The following MCC variants were observed in gnomAD, a reference collection of about 807,000 sequenced individuals.
MCC encodes MCC regulator of Wnt signaling pathway, also known as colorectal mutant cancer protein.
Under a neutral mutation model 116.2 loss-of-function variants are expected in MCC, and 90 were observed. That is an observed-to-expected ratio of 0.77 (90% CI 0.65 to 0.92). The LOEUF (loss-of-function observed/expected upper bound fraction) is 0.92, where lower values mean the gene tolerates loss of function less well. Ranked by LOEUF, MCC falls within the 40% of genes least tolerant of loss-of-function variation. The pLI is 0.00. For missense variants in MCC, 1,516 were observed against 1,312.2 expected (o/e 1.16, Z -2.40); for synonymous variants, 578 against 510.5 (o/e 1.13, Z -1.78).
In MCC at chr5:113,101,964, A is replaced by G. The variant is rs543339064; in HGVS notation, c.1192-19T>C. ...CGACTGTCTGTAAAACACAGCCCCA[A>G]AGAAAAGTCAAGTAAGTTACCTTGG... On this transcript the variant is annotated intron_variant, in intron 7 of 18. Transcript: ENST00000408903. 2.9e-5 allele frequency: 46 copies of G among 1,612,952 alleles called. No individual in the cohort carries two copies. Among genetic ancestry groups the G allele is most frequent in the Non-Finnish European group, 3.8e-5 (45 of 1,179,206 alleles).
At chr5:113,237,544 T>A (rs1029254084) in intron 3 of MCC, among the ~76,000 whole-genome samples, 1 of 152,176 alleles carries the variant, frequency 6.6e-6, no homozygotes, top group African/African-American at 2.4e-5. Context: ...CCTAATCTTA[T>A]TTCTGCCAAG....
chr5:113,263,195 G>A (rs1765277609), intron 3 of MCC, among the ~76,000 whole-genome samples: 1 of 152,164 alleles, frequency 6.6e-6, no homozygotes, highest in Non-Finnish European at 1.5e-5. Context: ...AGTGGCATCT[G>A]CTGGAGTTAG....
At position 113,023,045 on chromosome 5, in the gene MCC, C is replaced by G. The variant is rs576407036; in HGVS notation, c.*4257G>C. The stretch of plus-strand genomic sequence containing the variant: ...TGAACAGCTGCTATCAACTTGTATA[C>G]TTTTTTTCCACTTGTTTATATTTTA... On this transcript the variant is annotated 3_prime_UTR_variant, in exon 19 of 19. Coordinates refer to ENST00000408903, the MANE Select transcript of MCC (RefSeq NM_001085377.2). 1.3e-5 allele frequency: 2 copies of G among 152,316 alleles called. No homozygotes were observed. The highest frequency in any genetic ancestry group is 2.4e-5 in the African/African-American group (1 of 41,568). The allele number at this position is 152,316 out of a possible 1,614,324, so 9.4% of individuals were successfully genotyped here.
chr5:113,388,859 A>C (rs1481794897), intron 1 of MCC, among the ~76,000 whole-genome samples: 1 of 152,214 alleles, frequency 6.6e-6, no homozygotes, highest in Non-Finnish European at 1.5e-5. Flanking sequence ...CACAGCCTGG[A>C]AATCTAAACC....
At chr5:113,069,425 A>C (rs1211835317) in intron 12 of MCC, among the ~76,000 whole-genome samples, 3 of 152,250 alleles carry the variant, frequency 2.0e-5, no homozygotes, top group Admixed American at 2.0e-4. Flanking sequence ...GAGGAGGTGG[A>C]ACATGTGTAC....
At chr5:113,316,796 T>C (rs1368242284) in intron 3 of MCC, among the ~76,000 whole-genome samples, 3 of 152,176 alleles carry the variant, frequency 2.0e-5, no homozygotes. Flanking sequence ...TCAAATAACA[T>C]AGCATTCAGC....
chr5:113,474,497 G>C (rs746804368), intron 1 of MCC, among the ~76,000 whole-genome samples: 1 of 152,174 alleles, frequency 6.6e-6, no homozygotes, highest in Admixed American at 6.5e-5. Context: ...GGGGAGTGGA[G>C]TCACCGTGCC....
intron 3 of MCC, among the ~76,000 whole-genome samples, chr5:113,231,458 G>A (rs755207865): frequency 1.3e-5 from 2 of 152,130 alleles, no homozygotes; most frequent in Non-Finnish European, 2.9e-5. Flanking sequence ...TACAATGAAA[G>A]AGACCTGCTA....
At chr5:113,165,312 G>A (rs904751405) in intron 3 of MCC, among the ~76,000 whole-genome samples, 13 of 152,168 alleles carry the variant, frequency 8.5e-5, no homozygotes, top group African/African-American at 3.1e-4. Flanking sequence ...ATTCGGACAG[G>A]TATGCAACAG....
At chr5:113,196,000 C>G (rs1392986955) in intron 3 of MCC, among the ~76,000 whole-genome samples, 1 of 152,202 alleles carries the variant, frequency 6.6e-6, no homozygotes, top group Non-Finnish European at 1.5e-5. Flanking sequence ...CCTTAAAGAG[C>G]TAGTGCCAAA....
At chr5:113,352,058 G>T (rs1174980410) in intron 2 of MCC, among the ~76,000 whole-genome samples, 1 of 152,042 alleles carries the variant, frequency 6.6e-6, no homozygotes, top group Non-Finnish European at 1.5e-5. Context: ...TTCTGCTATG[G>T]AGCCAAAATC....
intron 1 of MCC, among the ~76,000 whole-genome samples, chr5:113,445,926 A>G (rs1485826177): frequency 6.6e-6 from 1 of 152,220 alleles, no homozygotes; most frequent in East Asian, 1.9e-4. Flanking sequence ...AACAAAATAC[A>G]GTACCCCAAA....
chr5:113,413,320 T>C (rs1365777483), intron 1 of MCC, among the ~76,000 whole-genome samples: 2 of 152,216 alleles, frequency 1.3e-5, no homozygotes, highest in Admixed American at 1.3e-4. Flanking sequence ...CTTTTTCTAT[T>C]GATTGGAATA....
intron 14 of MCC, among the ~76,000 whole-genome samples, chr5:113,054,489 T>C (rs911063670): frequency 2.0e-5 from 3 of 152,244 alleles, no homozygotes; most frequent in Non-Finnish European, 2.9e-5. Context: ...TATGGCATGA[T>C]CCACAGATGC....
intron 3 of MCC, among the ~76,000 whole-genome samples, chr5:113,269,604 G>A (rs186466517): frequency 6.6e-6 from 1 of 152,300 alleles, no homozygotes; most frequent in African/African-American, 2.4e-5. Context: ...CACATGCTCA[G>A]GATGGAGCTT....
chr5:113,197,771 G>A (rs532022890), intron 3 of MCC, among the ~76,000 whole-genome samples: 18 of 152,218 alleles, frequency 1.2e-4, no homozygotes, highest in South Asian at 2.1e-4. Flanking sequence ...AGGAGGCAGG[G>A]CATAAGTAAT....
chr5:113,150,274 C>T (rs1455379620), intron 4 of MCC, among the ~76,000 whole-genome samples: 4 of 152,092 alleles, frequency 2.6e-5, no homozygotes, highest in Admixed American at 2.0e-4. Context: ...CATTTTAAAC[C>T]CTGCCTCCTG....
chr5:113,054,924 C>T (rs754790401), intron 14 of MCC, among the ~76,000 whole-genome samples: 4 of 152,224 alleles, frequency 2.6e-5, no homozygotes, highest in Non-Finnish European at 5.9e-5. Flanking sequence ...CTCCCCGTGC[C>T]TCCGAATAAG....
chr5:113,089,023 C>A (rs1755407586), intron 8 of MCC, among the ~76,000 whole-genome samples: 1 of 152,174 alleles, frequency 6.6e-6, no homozygotes, highest in Non-Finnish European at 1.5e-5. Flanking sequence ...AGAACCAGGG[C>A]TAACCTGAGG....
Sources: allele counts gnomAD v4.1 joint callset (sites outside exome capture counted in the v4.1 genomes callset), GRCh38; gene constraint gnomAD v4.1.1; transcripts MANE v1.5; gene names NCBI Gene and HGNC (gene_info 2026-07-23, HGNC 2026-07-21).